HPCAL1: variants seen among roughly 807,000 people sequenced by gnomAD.
HPCAL1 encodes the protein hippocalcin like 1, also known as hippocalcin-like protein 1.
In HPCAL1, 8 loss-of-function variants were observed where a neutral mutation model predicts 17.1. The observed-to-expected ratio is 0.47, with a 90% CI of 0.27 to 0.84. HPCAL1 has a LOEUF of 0.84. Among genes scored for constraint, HPCAL1 ranks in the 40% least tolerant of loss-of-function variants. HPCAL1 has a pLI of 0.13. For missense variants in HPCAL1, 165 were observed against 271.1 expected (o/e 0.61, Z 2.75); for synonymous variants, 112 against 111.4 (o/e 1.01, Z -0.03).
At position 10,362,561 on chromosome 2, in the gene HPCAL1, C is replaced by T. The variant is rs1666587061; in HGVS notation, c.-110-34274C>T. Among the ~76,000 whole-genome samples the T allele has an allele frequency of 6.6e-6, 1 of 152,212 alleles. No homozygotes were observed. Among genetic ancestry groups the T allele is most frequent in the African/African-American group, 2.4e-5 (1 of 41,460 alleles). On this transcript the variant is annotated intron_variant, in intron 1 of 4. Coordinates refer to ENST00000307845, the MANE Select transcript of HPCAL1 (RefSeq NM_002149.4). This position sits in a 1 kb window ranked among gnomAD's most constrained non-coding sequence, Gnocchi z 5.0. ...AGGTGAGCTGGGCGATGGGGAAGGCCTCCACGGTGTTCTGTTGTAATGTTC... is the reference window on the plus strand; with the variant it reads ...AGGTGAGCTGGGCGATGGGGAAGGCTTCCACGGTGTTCTGTTGTAATGTTC...
chr2:10,422,068 C>G (rs1328567577), intron 3 of HPCAL1, among the ~76,000 whole-genome samples: 1 of 152,136 alleles, frequency 6.6e-6, no homozygotes, highest in East Asian at 1.9e-4. Flanking sequence ...GTCAGAACAT[C>G]AAGGCACTGG....
chr2:10,387,015 A>G (rs1394049752), intron 1 of HPCAL1, among the ~76,000 whole-genome samples: 1 of 152,134 alleles, frequency 6.6e-6, no homozygotes, highest in Admixed American at 6.5e-5. Context: ...CCCAAGTGTG[A>G]TTCCTGGTGC....
At chr2:10,389,976 A>G (rs1444168751) in intron 1 of HPCAL1, among the ~76,000 whole-genome samples, 1 of 152,246 alleles carries the variant, frequency 6.6e-6, no homozygotes, top group East Asian at 1.9e-4. Flanking sequence ...CAAAGTGGTC[A>G]TAGACAGTAG....
intron 1 of HPCAL1, among the ~76,000 whole-genome samples, chr2:10,339,001 T>C (rs1664898644): frequency 6.6e-6 from 1 of 152,144 alleles, no homozygotes; most frequent in African/African-American, 2.4e-5. Flanking sequence ...TGGCTGGAGA[T>C]GGAGGGATGT....
intron 1 of HPCAL1, chr2:10,368,536 C>T (rs1667005376): frequency 6.6e-6 from 1 of 152,234 alleles, no homozygotes; most frequent in Non-Finnish European, 1.5e-5. Context: ...CTGACTCCCC[C>T]AGACACACTG....
Position 10,359,828 on chromosome 2 carries a change from T to C in HPCAL1, c.-110-37007T>C, listed in dbSNP as rs945225604. On this transcript the variant is annotated intron_variant, in intron 1 of 4. Transcript: ENST00000307845. This position sits in a 1 kb window ranked among gnomAD's most constrained non-coding sequence, Gnocchi z 4.1. ...TATTGTGAAGGCACAGGGAGGGCCC[T>C]TTCCAGAGCAGGCTGCATCTCCCCT... 6.6e-6 allele frequency among the ~76,000 whole-genome samples: 1 copy of C among 152,020 alleles called. No individual in the cohort carries two copies. The highest frequency in any genetic ancestry group is 2.4e-5 in the African/African-American group (1 of 41,320).
chr2:10,304,270 C>T lies in HPCAL1; in HGVS notation c.-111+1093C>T, dbSNP rs183132733. Among the ~76,000 whole-genome samples, 137 of 152,276 alleles carry T rather than the reference C, an allele frequency of 9.0e-4. 3 individuals carry two copies. In the East Asian group the frequency reaches 0.024, roughly 27 times the overall value. Reference sequence around the variant, plus strand: ...CTGCGGAGTTGAGAACCCTTTGGTTCAACAAGTTCCTAGTCCGGGAGGATG... The same window carrying T: ...CTGCGGAGTTGAGAACCCTTTGGTTTAACAAGTTCCTAGTCCGGGAGGATG... On this transcript the variant is annotated intron_variant, in intron 1 of 4. Transcript: ENST00000307845. This position sits in a 1 kb window ranked among gnomAD's most constrained non-coding sequence, Gnocchi z 4.1.
At chr2:10,392,577 T>C (rs1223042102) in intron 1 of HPCAL1, among the ~76,000 whole-genome samples, 1 of 152,226 alleles carries the variant, frequency 6.6e-6, no homozygotes, top group Non-Finnish European at 1.5e-5. Flanking sequence ...TCTTTCTATG[T>C]ACCAAGCATT....
rs1394566364 is a variant in HPCAL1, at chr2:10,343,707, A to G, written c.-111+40530A>G. On this transcript the variant is annotated intron_variant, in intron 1 of 4. Transcript: ENST00000307845. The surrounding 1 kb of genome is among the most constrained non-coding windows in gnomAD (Gnocchi z 4.8). ...AAACCAGGCTAAATTTTAAGAGCAG[A>G]AACAAAACTCATCCTTGCGAAGGGA... Among the ~76,000 whole-genome samples the G allele has an allele frequency of 6.6e-6, 1 of 152,248 alleles. No homozygotes were observed. The highest frequency in any genetic ancestry group is 1.9e-4 in the East Asian group (1 of 5,194).
At chr2:10,347,784 G>C (rs546175267) in intron 1 of HPCAL1, among the ~76,000 whole-genome samples, 1 of 152,122 alleles carries the variant, frequency 6.6e-6, no homozygotes, top group African/African-American at 2.4e-5. Context: ...GGGCCAAATC[G>C]GTTTAATGTT....
At chr2:10,340,635 C>T (rs763239625) in intron 1 of HPCAL1, among the ~76,000 whole-genome samples, 6 of 152,208 alleles carry the variant, frequency 3.9e-5, no homozygotes, top group Non-Finnish European at 8.8e-5. Flanking sequence ...AGAGCTGGGA[C>T]GCAACCCCAA....
chr2:10,339,454 G>A (rs1017660767), intron 1 of HPCAL1, among the ~76,000 whole-genome samples: 1 of 152,116 alleles, frequency 6.6e-6, no homozygotes, highest in Admixed American at 6.5e-5. Context: ...ACAGGCACAT[G>A]CCACCATGCC....
In HPCAL1 at chr2:10,304,652, G is replaced by T. The variant is rs940772244; in HGVS notation, c.-111+1475G>T. ...TGAACGAGCACCCAGCTCTTACCAC[G>T]ACTCACTCTCTGGAGAGTTCTGGCG... On this transcript the variant is annotated intron_variant, in intron 1 of 4. Transcript: ENST00000307845. This position sits in a 1 kb window ranked among gnomAD's most constrained non-coding sequence, Gnocchi z 4.1. Among the ~76,000 whole-genome samples the T allele has an allele frequency of 2.6e-5, 4 of 152,224 alleles. No homozygotes were observed. The highest frequency in any genetic ancestry group is 9.7e-5 in the African/African-American group (4 of 41,450).
chr2:10,398,124 A>G (rs1669179053), intron 2 of HPCAL1, among the ~76,000 whole-genome samples: 1 of 152,120 alleles, frequency 6.6e-6, no homozygotes, highest in Admixed American at 6.5e-5. Flanking sequence ...TACTGTGAGC[A>G]TCAGTTGGGG....
intron 1 of HPCAL1, among the ~76,000 whole-genome samples, chr2:10,327,577 C>T (rs77761966): frequency 5.3e-5 from 8 of 152,056 alleles, no homozygotes; most frequent in African/African-American, 7.3e-5. Flanking sequence ...CTTTATAGAG[C>T]GTAGTATATA....
chr2:10,399,380 C>T (rs916228375), intron 2 of HPCAL1, among the ~76,000 whole-genome samples: 1 of 115,654 alleles, frequency 8.6e-6, no homozygotes, highest in Non-Finnish European at 1.9e-5. Context: ...TCACCACCAC[C>T]ACCACCACCA....
intron 1 of HPCAL1, among the ~76,000 whole-genome samples, chr2:10,380,598 G>A (rs993516834): frequency 2.6e-5 from 4 of 152,162 alleles, no homozygotes; most frequent in South Asian, 2.1e-4. Context: ...CTGTCTGGGT[G>A]TAGCTTCTTG....
At chr2:10,400,752 T>C (rs1669550563) in intron 2 of HPCAL1, among the ~76,000 whole-genome samples, 1 of 150,178 alleles carries the variant, frequency 6.7e-6, no homozygotes, top group Admixed American at 6.6e-5. Context: ...TGCACACACG[T>C]ACACACCCAC....
chr2:10,361,656 C>A (rs753439675), intron 1 of HPCAL1, among the ~76,000 whole-genome samples: 3 of 152,096 alleles, frequency 2.0e-5, no homozygotes, highest in African/African-American at 4.8e-5. Context: ...ACATAAATAA[C>A]GTTTCCATAG....
Sources: allele counts gnomAD v4.1 joint callset (sites outside exome capture counted in the v4.1 genomes callset), GRCh38; gene constraint gnomAD v4.1.1; non-coding constraint Gnocchi (gnomAD v3.1); transcripts MANE v1.5; gene names NCBI Gene and HGNC (gene_info 2026-07-23, HGNC 2026-07-21).